NLRP14: variants seen among roughly 807,000 people sequenced by gnomAD.
The protein encoded by NLRP14 is NACHT, LRR and PYD domains-containing protein 14.
Under a neutral mutation model 94.7 loss-of-function variants are expected in NLRP14, and 105 were observed. The observed-to-expected ratio is 1.11, with a 90% CI of 0.95 to 1.30. The LOEUF (loss-of-function observed/expected upper bound fraction) is 1.30. Ranked by LOEUF, NLRP14 falls within the 50% of genes most tolerant of loss-of-function variation. NLRP14 has a pLI of 0.00. For missense variants in NLRP14, 1,362 were observed against 1,254.1 expected (o/e 1.09, Z -1.30); for synonymous variants, 508 against 459.9 (o/e 1.10, Z -1.34).
rs1852552274 is a variant in NLRP14, at chr11:7,058,341, A to C, written c.2524A>C (p.Asn842His). ...CEYLSLALISNKRLTHLCLAD... is the reference protein window; with the variant it reads ...CEYLSLALISHKRLTHLCLAD... ...GTATCTTTCTTTGGCTCTCATCAGC[A>C]ATAAAAGACTGACACATTTGTGCTT... Residue 842 changes from asparagine to histidine, a missense_variant, in exon 8 of 12, where the codon AAT becomes CAT. Physicochemically the swap from Asn to His is moderately conservative, Grantham distance 68. Transcript: ENST00000299481. 6.2e-7 allele frequency: 1 copy of C among 1,612,828 alleles called. No homozygotes were observed. The highest frequency in any genetic ancestry group is 8.5e-7 in the Non-Finnish European group (1 of 1,179,084).
At chr11:7,057,557 T>A in intron 6 of NLRP14, 120 bp from the exon 7 acceptor site, 1 of 916,616 alleles carries the variant, frequency 1.1e-6, no homozygotes, top group Non-Finnish European at 1.8e-6. Context: ...TGTAGAGAAG[T>A]TGGATTTTTC....
At chr11:7,090,320 A>C in the NLRP14 span, 1 of 1,570,252 alleles carries the variant, frequency 6.4e-7, no homozygotes, top group East Asian at 2.3e-5. Context: ...ACTTGGGACC[A>C]AAAATCCCTT....
Position 7,042,542 on chromosome 11 carries a change from C to T in NLRP14, c.516C>T (p.Thr172=), listed in dbSNP as rs374770509. The change falls in exon 4 of 12, where the codon ACC becomes ACT. Residue 172 remains threonine (T), a synonymous_variant. Transcript: ENST00000299481. ...LEHLFDVDVK[T]GAQPQIVVLQ... The stretch of plus-strand genomic sequence containing the variant: ...ACTTGTTCGATGTGGATGTCAAAAC[C>T]GGTGCACAGCCACAGATCGTGGTGC... 389 of 1,614,160 alleles carry T rather than the reference C, an allele frequency of 2.4e-4. 7 individuals carry two copies. In the South Asian group the frequency reaches 3.7e-3, roughly 15 times the overall value.
chr11:7,038,775 GAAATATT>G lies in NLRP14; in HGVS notation c.191_197del (p.Lys64IlefsTer17). ...GGGAGGACCTGGCCAATTTGATGAA[GAAATATT>G]ATCCAGGAGAGAAAGCCTGGAGTGT... On this transcript the variant is annotated frameshift_variant, in exon 2 of 12. Coordinates refer to ENST00000299481, the MANE Select transcript of NLRP14 (RefSeq NM_176822.4). LOFTEE classifies it high-confidence loss of function. The G allele has an allele frequency of 6.2e-7, 1 of 1,613,504 alleles. No homozygotes were observed. Among genetic ancestry groups the G allele is most frequent in the Middle Eastern group, 1.7e-4 (1 of 6,056 alleles).
chr11:7,060,169 T>C (rs1852594966), intron 9 of NLRP14, 105 bp downstream of exon 9: 1 of 1,052,728 alleles, frequency 9.5e-7, no homozygotes, highest in African/African-American at 1.6e-5. Context: ...GAAAAGAATA[T>C]AAAGCTGATT....
chr11:7,022,143 T>C (rs1851954394), intron 1 of NLRP14, among the ~76,000 whole-genome samples: 1 of 152,196 alleles, frequency 6.6e-6, no homozygotes, highest in Non-Finnish European at 1.5e-5. Flanking sequence ...GCCTAGAGCC[T>C]ATCTGCCTCC....
chr11:7,090,297 T>C, the NLRP14 span: 1 of 1,594,094 alleles, frequency 6.3e-7, no homozygotes, highest in Non-Finnish European at 8.5e-7. Flanking sequence ...GAGCAGATAC[T>C]AAGCAGGAAC....
intron 10 of NLRP14, among the ~76,000 whole-genome samples, chr11:7,066,770 C>T (rs570253269): frequency 8.5e-5 from 13 of 152,062 alleles, no homozygotes; most frequent in Middle Eastern, 3.2e-3. Flanking sequence ...TTTGTCCATG[C>T]GTATGTCCTG....
the NLRP14 span, among the ~76,000 whole-genome samples, chr11:7,076,680 G>A: frequency 6.6e-6 from 1 of 151,210 alleles, no homozygotes; most frequent in Admixed American, 6.6e-5. Context: ...CCAAAGCACC[G>A]TGTTTCTTTT....
intron 6 of NLRP14, among the ~76,000 whole-genome samples, chr11:7,050,574 G>C (rs1852427350): frequency 6.6e-6 from 1 of 152,240 alleles, no homozygotes; most frequent in Non-Finnish European, 1.5e-5. Context: ...ACTCAGTTCA[G>C]GGTGGCCAAG....
chr11:7,024,445 T>A (rs1851986952), intron 1 of NLRP14, among the ~76,000 whole-genome samples: 1 of 152,328 alleles, frequency 6.6e-6, no homozygotes, highest in Non-Finnish European at 1.5e-5. Flanking sequence ...TCCCATATCC[T>A]GGTTTCAGCT....
chr11:7,078,462 A>G, the NLRP14 span, among the ~76,000 whole-genome samples: 8,648 of 87,698 alleles, frequency 0.099, 1,482 homozygotes, highest in Middle Eastern at 0.37. Context: ...AAAAAAAAAA[A>G]CAAAAAAATT....
the NLRP14 span, among the ~76,000 whole-genome samples, chr11:7,076,715 T>C: frequency 2.0e-5 from 3 of 152,020 alleles, no homozygotes; most frequent in African/African-American, 4.8e-5. Flanking sequence ...ATCACAGATA[T>C]GTATTTATTT....
rs1852634374 is a variant in NLRP14, at chr11:7,062,326, C to G, written c.2805-7C>G. 1 of 1,610,734 alleles carries G rather than the reference C, an allele frequency of 6.2e-7. No homozygotes were observed. The highest frequency in any genetic ancestry group is 1.3e-5 in the African/African-American group (1 of 74,842). The stretch of plus-strand genomic sequence containing the variant: ...AGGATTCACTTTTCCTATTGTAATT[C>G]TTACAGATTGATGGGCTGTGTTCTC... On this transcript the variant is annotated splice_polypyrimidine_tract_variant and splice_region_variant and intron_variant, in intron 9 of 11. Coordinates refer to ENST00000299481, the MANE Select transcript of NLRP14 (RefSeq NM_176822.4).
intron 4 of NLRP14, among the ~76,000 whole-genome samples, chr11:7,045,429 C>T (rs1025123934): frequency 1.7e-4 from 26 of 152,080 alleles, no homozygotes; most frequent in African/African-American, 5.8e-4. Flanking sequence ...AAATAAGGAG[C>T]CAGAGAACCC....
At chr11:7,046,438 T>TTG (rs1184859983) in intron 4 of NLRP14, among the ~76,000 whole-genome samples, 4 of 152,134 alleles carry the variant, frequency 2.6e-5, no homozygotes, top group Admixed American at 6.5e-5. Context: ...GGTTTTTATT[T>TTG]TGTGTGTGTT....
At chr11:7,081,934 C>G in the NLRP14 span, among the ~76,000 whole-genome samples, 1 of 152,144 alleles carries the variant, frequency 6.6e-6, no homozygotes, top group Non-Finnish European at 1.5e-5. Context: ...CCTCCATTCA[C>G]AGAGTTTGTT....
intron 10 of NLRP14, among the ~76,000 whole-genome samples, chr11:7,062,831 C>T (rs1035945965): frequency 6.6e-6 from 1 of 152,034 alleles, no homozygotes; most frequent in Non-Finnish European, 1.5e-5. Flanking sequence ...AAATTGAAGA[C>T]TTTTACTAAT....
At chr11:7,039,613 A>G (rs1020435262) in intron 2 of NLRP14, 101 bp from the exon 3 acceptor site, 11 of 936,430 alleles carry the variant, frequency 1.2e-5, no homozygotes, top group Non-Finnish European at 1.6e-5. Flanking sequence ...AGATAGTCAT[A>G]GAATTGGACC....
Sources: allele counts gnomAD v4.1 joint callset (sites outside exome capture counted in the v4.1 genomes callset), GRCh38; gene constraint gnomAD v4.1.1; transcripts MANE v1.5; gene names NCBI Gene and HGNC (gene_info 2026-07-23, HGNC 2026-07-21).